Variants in ZNF654 observed in about 807,000 individuals in gnomAD.
ZNF654 encodes melanoma-associated antigen.
In ZNF654, 19 loss-of-function variants were observed where a neutral mutation model predicts 95.3. The ratio of observed to expected loss-of-function variants is 0.20; its 90% CI spans 0.14 to 0.29. The LOEUF (loss-of-function observed/expected upper bound fraction) is 0.29. Ranked by LOEUF, ZNF654 falls within the 10% of genes least tolerant of loss-of-function variation. ZNF654 has a pLI of 1.00. For missense variants in ZNF654, 1,046 were observed against 1,341.0 expected, an observed-to-expected ratio of 0.78 and a Z score of 3.44; for synonymous variants, 413 against 457.9, an observed-to-expected ratio of 0.90 and a Z score of 1.25.
At chr3:88,100,825 G>C (rs867783888) in intron 2 of ZNF654, among the ~76,000 whole-genome samples, 2 of 152,138 alleles carry the variant, frequency 1.3e-5, no homozygotes. Flanking sequence ...TGGGGAAAGC[G>C]GGGAGGGATA....
intron 2 of ZNF654, among the ~76,000 whole-genome samples, chr3:88,099,280 T>C (rs1704255231): frequency 6.6e-6 from 1 of 152,116 alleles, no homozygotes; most frequent in Non-Finnish European, 1.5e-5. Context: ...ACAAGGGATG[T>C]GAAGGACCTC....
At chr3:88,088,757 T>G (rs145124416) in intron 2 of ZNF654, among the ~76,000 whole-genome samples, 7,412 of 94,168 alleles carry the variant, frequency 0.079, 215 homozygotes, top group African/African-American at 0.1. Context: ...TGTATGTATG[T>G]ATGTATGGAT....
At chr3:88,099,464 T>C (rs1704268751) in intron 2 of ZNF654, among the ~76,000 whole-genome samples, 1 of 152,110 alleles carries the variant, frequency 6.6e-6, no homozygotes, top group African/African-American at 2.4e-5. Flanking sequence ...TTCACAGAAT[T>C]GGAAAAAACT....
intron 2 of ZNF654, among the ~76,000 whole-genome samples, chr3:88,107,535 T>A (rs1199802923): frequency 6.6e-6 from 1 of 152,158 alleles, no homozygotes; most frequent in Non-Finnish European, 1.5e-5. Flanking sequence ...GGATTTGGAT[T>A]TTTCGTCAGT....
rs189447266 is a variant in ZNF654, at chr3:88,118,621, C to T, written c.414+5425C>T. On this transcript the variant is annotated intron_variant, in intron 3 of 8. Coordinates refer to ENST00000636215, the MANE Select transcript of ZNF654 (RefSeq NM_001350134.2). ...GTACTTGGAATAAGTTTCCCAAAGA[C>T]TTAATTTGGGAAGGTCCTAATCTTG... is the stretch of plus-strand genomic sequence containing the variant. Among the ~76,000 whole-genome samples, 766 of 152,296 alleles carry T rather than the reference C, an allele frequency of 5.0e-3. 4 individuals carry two copies. Among genetic ancestry groups the T allele is most frequent in the Non-Finnish European group, 7.7e-3 (526 of 68,028 alleles).
intron 1 of ZNF654, among the ~76,000 whole-genome samples, chr3:88,066,443 A>G (rs1707203533): frequency 6.6e-6 from 1 of 152,036 alleles, no homozygotes; most frequent in African/African-American, 2.4e-5. Flanking sequence ...GTGTGGTGGC[A>G]CACACCTGTA....
chr3:88,126,116 A>AT lies in ZNF654; in HGVS notation c.415-17dup. On this transcript the variant is annotated splice_polypyrimidine_tract_variant and intron_variant, in intron 3 of 8. Coordinates refer to ENST00000636215, the MANE Select transcript of ZNF654 (RefSeq NM_001350134.2). ...ACCCCTTTAAATTCACAGAGCCAAA[A>AT]TGATTTTTCTCTCCTAGGAATGCCA... is the stretch of plus-strand genomic sequence containing the variant. 1 of 1,465,722 alleles carries AT rather than the reference A, an allele frequency of 6.8e-7. No individual in the cohort carries two copies. The highest frequency in any genetic ancestry group is 9.0e-7 in the Non-Finnish European group (1 of 1,108,858). The allele number at this position is 1,465,722 out of a possible 1,614,324, so 90.8% of individuals were successfully genotyped here.
In ZNF654 at chr3:88,141,046, AAAGT is replaced by A; in HGVS notation, c.3379+3_3379+6del. On this transcript the variant is annotated splice_donor_variant and coding_sequence_variant, in exon 8 of 9. Coordinates refer to ENST00000636215, the MANE Select transcript of ZNF654 (RefSeq NM_001350134.2). LOFTEE classifies it high-confidence loss of function. Reference sequence around the variant, plus strand: ...CTCTTTGGATTTGATTCAGATGATGAAAGTAAGTCTTCTGTCTTCTTAGTAGAGG... The same window carrying A: ...CTCTTTGGATTTGATTCAGATGATGAAAGTCTTCTGTCTTCTTAGTAGAGG... 1 of 1,589,090 alleles carries A rather than the reference AAAGT, an allele frequency of 6.3e-7. No homozygotes were observed. The highest frequency in any genetic ancestry group is 8.6e-7 in the Non-Finnish European group (1 of 1,169,254).
At chr3:88,089,086 A>G (rs540451124) in intron 2 of ZNF654, among the ~76,000 whole-genome samples, 2 of 151,436 alleles carry the variant, frequency 1.3e-5, no homozygotes, top group South Asian at 2.1e-4. Context: ...AAAAAACTGT[A>G]TTAAAAAAAT....
At chr3:88,086,451 T>C in intron 2 of ZNF654, 49 bp downstream of exon 2, 1 of 1,365,450 alleles carries the variant, frequency 7.3e-7, no homozygotes, top group East Asian at 2.6e-5. Context: ...TTGATGTGTT[T>C]GAGAATTTGT....
chr3:88,138,294 G>A (rs1181568115), intron 7 of ZNF654, among the ~76,000 whole-genome samples: 1 of 151,968 alleles, frequency 6.6e-6, no homozygotes, highest in East Asian at 1.9e-4. Flanking sequence ...ATTTCTTGAT[G>A]TGGAAAATTG....
intron 1 of ZNF654, among the ~76,000 whole-genome samples, chr3:88,065,829 C>T (rs1329612591): frequency 3.3e-5 from 5 of 152,200 alleles, no homozygotes; most frequent in East Asian, 1.9e-4. Flanking sequence ...GGGGCTAAAG[C>T]GCTTCTCAGC....
At chr3:88,071,447 G>A (rs1224361292) in intron 1 of ZNF654, among the ~76,000 whole-genome samples, 6 of 152,194 alleles carry the variant, frequency 3.9e-5, no homozygotes, top group Middle Eastern at 3.4e-3. Context: ...GATCGAGACC[G>A]TCCTGGCTAA....
At chr3:88,067,433 C>T (rs1333723101) in intron 1 of ZNF654, among the ~76,000 whole-genome samples, 2 of 152,000 alleles carry the variant, frequency 1.3e-5, no homozygotes, top group East Asian at 3.9e-4. Flanking sequence ...GGATGGTATT[C>T]GAAGTCATAT....
intron 2 of ZNF654, among the ~76,000 whole-genome samples, chr3:88,090,518 A>G (rs1708575299): frequency 6.6e-6 from 1 of 151,840 alleles, no homozygotes; most frequent in Non-Finnish European, 1.5e-5. Flanking sequence ...TCAAAAAGTT[A>G]AAAGTAAAAA....
chr3:88,108,483 C>G (rs1456744298), intron 2 of ZNF654, among the ~76,000 whole-genome samples: 2 of 152,166 alleles, frequency 1.3e-5, no homozygotes, highest in African/African-American at 4.8e-5. Context: ...TACCCATAGT[C>G]AACCATGGTC....
intron 3 of ZNF654, among the ~76,000 whole-genome samples, chr3:88,122,265 G>A (rs1428239116): frequency 6.6e-6 from 1 of 152,184 alleles, no homozygotes; most frequent in Non-Finnish European, 1.5e-5. Flanking sequence ...ATGTGGAAGA[G>A]ACCAGGCTGA....
chr3:88,073,839 T>G (rs4241549), intron 1 of ZNF654, among the ~76,000 whole-genome samples: 142,941 of 152,154 alleles, frequency 0.94, 67,683 homozygotes, highest in Non-Finnish European at 1. Flanking sequence ...CCCTATTTAA[T>G]AAGAGAGCAG....
intron 2 of ZNF654, among the ~76,000 whole-genome samples, chr3:88,094,035 CA>C (rs1401399752): frequency 6.6e-6 from 1 of 151,784 alleles, no homozygotes; most frequent in Non-Finnish European, 1.5e-5. Flanking sequence ...TGAACTTAGT[CA>C]TTTGAGAGAA....
Sources: allele counts gnomAD v4.1 joint callset (sites outside exome capture counted in the v4.1 genomes callset), GRCh38; gene constraint gnomAD v4.1.1; transcripts MANE v1.5; gene names NCBI Gene and HGNC (gene_info 2026-07-23, HGNC 2026-07-21).